Variants in THADA observed in about 807,000 individuals in gnomAD.
THADA encodes the protein THADA armadillo repeat containing.
Under a neutral mutation model 219.8 loss-of-function variants are expected in THADA, and 213 were observed. That is an observed-to-expected ratio of 0.97 (90% confidence interval 0.87 to 1.09). The LOEUF is 1.09. Among genes scored for constraint, THADA ranks in the 50% least tolerant of loss-of-function variants. The probability of loss-of-function intolerance (pLI) is 0.00; values close to 1 mark genes in which losing one functional copy is unlikely to be tolerated. For synonymous variants in THADA, 1,018 were observed against 828.9 expected (o/e 1.23, Z -3.92); for missense variants, 2,956 against 2,311.3 (o/e 1.28, Z -5.72).
At chr2:43,595,049 A>T (rs184642362) in intron 1 of THADA, among the ~76,000 whole-genome samples, 2 of 152,354 alleles carry the variant, frequency 1.3e-5, no homozygotes, top group East Asian at 1.9e-4. Context: ...TCAAGTCTCA[A>T]TTTCCAAACC....
chr2:43,437,200 C>T (rs1680233748), intron 26 of THADA, among the ~76,000 whole-genome samples: 1 of 152,160 alleles, frequency 6.6e-6, no homozygotes, highest in Admixed American at 6.6e-5. Flanking sequence ...TGCTTCAATT[C>T]ACAGGGCAAG....
intron 23 of THADA, among the ~76,000 whole-genome samples, chr2:43,507,220 T>A (rs1389910570): frequency 2.0e-5 from 3 of 152,204 alleles, no homozygotes; most frequent in Non-Finnish European, 4.4e-5. Context: ...CTAAAATGAC[T>A]TCAGGGAACC....
In THADA at chr2:43,320,503, C is replaced by A. The variant is rs1284250185; in HGVS notation, c.4381G>T (p.Asp1461Tyr). The A allele has an allele frequency of 6.2e-7, 1 of 1,613,542 alleles. No homozygotes were observed. The highest frequency in any genetic ancestry group is 1.3e-5 in the African/African-American group (1 of 74,996). ...CAGCAAGTCAATAGGAAGAGAATAT[C>A]AATATATACAGCTCTGGTCACCAAA... ...PCLVTRAVYI[D>Y]ILFLLTCCLN... The change falls in exon 31 of 38, where the codon GAT becomes TAT. Residue 1461 changes from aspartate (D) to tyrosine (Y), a missense_variant. By Grantham distance (160) the Asp-to-Tyr change is radical. Coordinates refer to ENST00000405975, the MANE Select transcript of THADA (RefSeq NM_022065.5).
Position 43,541,273 on chromosome 2 carries a change from C to T in THADA, c.3150G>A (p.Leu1050=), listed in dbSNP as rs750472831. The T allele has an allele frequency of 7.4e-5, 119 of 1,613,026 alleles. No homozygotes were observed. The highest frequency in any genetic ancestry group is 9.7e-5 in the Non-Finnish European group (114 of 1,179,542). Residue 1050 remains leucine (L), a synonymous_variant, in exon 21 of 38, where the codon CTG becomes CTA. Transcript: ENST00000405975. The part of the protein sequence containing the change: ...KTCDVTAQMV[L]VCCWRSMKEV... The stretch of plus-strand genomic sequence containing the variant: ...CCTTCATACTTCTCCAACAACATAC[C>T]AGCACCATCTGCGCAGTTACATCAC...
At chr2:43,512,627 T>C (rs902184872) in intron 22 of THADA, among the ~76,000 whole-genome samples, 5 of 152,278 alleles carry the variant, frequency 3.3e-5, no homozygotes, top group African/African-American at 1.2e-4. Flanking sequence ...CTCAGCCTCC[T>C]GAGTAGCTGG....
At chr2:43,353,978 C>T (rs1317942227) in intron 29 of THADA, among the ~76,000 whole-genome samples, 3 of 152,024 alleles carry the variant, frequency 2.0e-5, no homozygotes, top group East Asian at 1.9e-4. Context: ...CCACCATGCC[C>T]GGCTAATTTT....
chr2:43,396,356 A>G (rs116517985), intron 29 of THADA, among the ~76,000 whole-genome samples: 264 of 152,290 alleles, frequency 1.7e-3, no homozygotes, highest in African/African-American at 6.2e-3. Context: ...TGGCCCTGCT[A>G]TGTGTTCAGC....
At chr2:43,415,730 G>C (rs1676867537) in intron 28 of THADA, among the ~76,000 whole-genome samples, 1 of 152,066 alleles carries the variant, frequency 6.6e-6, no homozygotes, top group Non-Finnish European at 1.5e-5. Context: ...TTCATATCTA[G>C]GGCCCTCGTG....
At chr2:43,362,128 G>A (rs754931316) in intron 29 of THADA, among the ~76,000 whole-genome samples, 2 of 152,162 alleles carry the variant, frequency 1.3e-5, no homozygotes, top group African/African-American at 4.8e-5. Context: ...AGCTCCCAAC[G>A]TAGGTCATTT....
rs551493183 is a variant in THADA at position 43,510,131 on chromosome 2, T to C, written c.3375-1351A>G. Among the ~76,000 whole-genome samples the C allele has an allele frequency of 2.6e-5, 4 of 152,322 alleles. No homozygotes were observed. In the South Asian group the frequency reaches 8.3e-4, roughly 32 times the overall value. ...ATAGATAACATCAAGAAATTCTTTA[T>C]AAAATGTGCCACTGCACTGTGAACA... On this transcript the variant is annotated intron_variant, in intron 22 of 37. Coordinates refer to ENST00000405975, the MANE Select transcript of THADA (RefSeq NM_022065.5).
chr2:43,381,060 T>A (rs1434544007), intron 29 of THADA, among the ~76,000 whole-genome samples: 1 of 120,788 alleles, frequency 8.3e-6, no homozygotes, highest in African/African-American at 3.3e-5. Flanking sequence ...ATCGTGCCAC[T>A]ACACTCCAGC....
rs1189523324 is a variant in THADA at position 43,581,854 on chromosome 2, A to G, written c.608T>C (p.Met203Thr). The G allele has an allele frequency of 1.2e-6, 2 of 1,612,196 alleles. No individual in the cohort carries two copies. The highest frequency in any genetic ancestry group is 8.5e-7 in the Non-Finnish European group (1 of 1,179,422). Residue 203 changes from methionine (M) to threonine (T), a missense_variant, in exon 8 of 38, where the codon ATG (methionine) becomes ACG (threonine). Transcript: ENST00000405975. The part of the protein sequence containing the change: ...DLLVGIRVSM[M>T]LVQKVQDFQG... The stretch of plus-strand genomic sequence containing the variant: ...GAAATCTTGTACTTTCTGTACTAAC[A>G]TCATTGAAACTCTAATGCCTACCAG...
rs1157778991 is a variant in THADA, at chr2:43,515,590, T to TA, written c.3375-6811dup. Among the ~76,000 whole-genome samples the TA allele has an allele frequency of 3.4e-5, 5 of 148,328 alleles. 1 individual carries two copies. Among genetic ancestry groups the TA allele is most frequent in the African/African-American group, 1.0e-4 (4 of 40,108 alleles). Reference sequence around the variant, plus strand: ...AAAAGCATAGCAAAATTGTGATTAATAAAAAAACTTACAAGCCACAGGAGA... The same window carrying TA: ...AAAAGCATAGCAAAATTGTGATTAATAAAAAAAACTTACAAGCCACAGGAGA... On this transcript the variant is annotated intron_variant, in intron 22 of 37. Coordinates refer to ENST00000405975, the MANE Select transcript of THADA (RefSeq NM_022065.5).
intron 21 of THADA, among the ~76,000 whole-genome samples, chr2:43,533,516 A>T (rs562941328): frequency 4.6e-5 from 7 of 152,344 alleles, no homozygotes; most frequent in Admixed American, 1.3e-4. Flanking sequence ...TAGACTGGCT[A>T]AAGAAAATGT....
chr2:43,324,285 G>A (rs1679078427), intron 30 of THADA, among the ~76,000 whole-genome samples: 1 of 152,210 alleles, frequency 6.6e-6, no homozygotes, highest in South Asian at 2.1e-4. Context: ...ATCTTCCCTA[G>A]ACCCGGTACA....
intron 26 of THADA, among the ~76,000 whole-genome samples, chr2:43,479,523 A>C (rs1262196298): frequency 6.6e-6 from 1 of 152,198 alleles, no homozygotes; most frequent in African/African-American, 2.4e-5. Flanking sequence ...TTAAGTCTAG[A>C]GAAATCATAA....
rs578080270 is a variant in THADA, at chr2:43,443,513, T to A, written c.3837-13211A>T. Among the ~76,000 whole-genome samples, 10 of 152,240 alleles carry A rather than the reference T, an allele frequency of 6.6e-5. No homozygotes were observed. In the South Asian group the frequency reaches 2.1e-3, roughly 32 times the overall value. Reference sequence around the variant, plus strand: ...TTACCACTGCAGATATAGCGAGCCCTGGGGGTAAATTCTCCAGTGACAGGC... The same window carrying A: ...TTACCACTGCAGATATAGCGAGCCCAGGGGGTAAATTCTCCAGTGACAGGC... On this transcript the variant is annotated intron_variant, in intron 26 of 37. Coordinates refer to ENST00000405975, the MANE Select transcript of THADA (RefSeq NM_022065.5).
intron 30 of THADA, among the ~76,000 whole-genome samples, chr2:43,326,120 G>A (rs1679294188): frequency 6.7e-6 from 1 of 149,596 alleles, no homozygotes; most frequent in African/African-American, 2.5e-5. Context: ...ACAAACATAT[G>A]CATTAGGTCA....
chr2:43,530,163 TCTAA>T (rs1291356232), intron 21 of THADA, among the ~76,000 whole-genome samples: 3 of 152,186 alleles, frequency 2.0e-5, no homozygotes, highest in South Asian at 2.1e-4. Context: ...TAAAAAAAAT[TCTAA>T]CTCTTTAGTA....
Sources: allele counts gnomAD v4.1 joint callset (sites outside exome capture counted in the v4.1 genomes callset), GRCh38; gene constraint gnomAD v4.1.1; transcripts MANE v1.5; gene names NCBI Gene and HGNC (gene_info 2026-07-23, HGNC 2026-07-21).